PTPRA: variants seen among roughly 807,000 people sequenced by gnomAD.
The protein encoded by PTPRA is receptor-type tyrosine-protein phosphatase alpha.
PTPRA carries 25 observed loss-of-function variants against 104.8 expected under a neutral mutation model. The ratio of observed to expected loss-of-function variants is 0.24; its 90% CI spans 0.17 to 0.33. The LOEUF (loss-of-function observed/expected upper bound fraction) is 0.33, where lower values mean the gene tolerates loss of function less well. Ranked by LOEUF, PTPRA falls within the 10% of genes least tolerant of loss-of-function variation. The pLI is 1.00. For missense variants in PTPRA, 765 were observed against 1,015.3 expected, an observed-to-expected ratio of 0.75 and a Z score of 3.35; for synonymous variants, 323 against 368.9, an observed-to-expected ratio of 0.88 and a Z score of 1.43.
intron 11 of PTPRA, among the ~76,000 whole-genome samples, chr20:3,011,095 CA>C: frequency 6.6e-6 from 1 of 152,314 alleles, no homozygotes; most frequent in East Asian, 1.9e-4. Flanking sequence ...TAGAAAGAAA[CA>C]GCCTTATCCC....
intron 1 of PTPRA, among the ~76,000 whole-genome samples, chr20:2,874,261 G>A (rs1450174546): frequency 1.3e-5 from 2 of 152,096 alleles, no homozygotes; most frequent in Admixed American, 6.5e-5. Context: ...TTTAAGAAGG[G>A]AAATAAGGGC....
chr20:2,905,216 C>T (rs1234487052), intron 1 of PTPRA, among the ~76,000 whole-genome samples: 1 of 152,172 alleles, frequency 6.6e-6, no homozygotes, highest in African/African-American at 2.4e-5. Flanking sequence ...CTCCACCCCT[C>T]CATTTCATAG....
At chr20:2,972,678 T>C (rs1031039765) in intron 5 of PTPRA, among the ~76,000 whole-genome samples, 2 of 152,218 alleles carry the variant, frequency 1.3e-5, no homozygotes, top group African/African-American at 2.4e-5. Flanking sequence ...TAGTGTTTTG[T>C]TTTGCTACAT....
intron 13 of PTPRA, 53 bp from the exon 14 acceptor site, chr20:3,021,256 C>A: frequency 1.9e-6 from 3 of 1,609,292 alleles, no homozygotes; most frequent in Non-Finnish European, 2.5e-6. Flanking sequence ...CCCTTTGCAT[C>A]TGCCATGGGC....
At chr20:2,944,586 T>G (rs971349068) in intron 2 of PTPRA, among the ~76,000 whole-genome samples, 7 of 152,178 alleles carry the variant, frequency 4.6e-5, no homozygotes, top group Non-Finnish European at 1.0e-4. Flanking sequence ...CTTCTGCATT[T>G]TATTGGTTTA....
intron 5 of PTPRA, among the ~76,000 whole-genome samples, chr20:2,969,588 C>T (rs1227021271): frequency 7.1e-6 from 1 of 140,352 alleles, no homozygotes; most frequent in Non-Finnish European, 1.6e-5. Flanking sequence ...GGCGCGGCGG[C>T]TCATGCCTGT....
In PTPRA at chr20:2,909,951, A is replaced by G. The variant is rs2059585234; in HGVS notation, c.-128-13256A>G. 3.3e-5 allele frequency among the ~76,000 whole-genome samples: 4 copies of G among 122,838 alleles called. 1 individual carries two copies. Among genetic ancestry groups the G allele is most frequent in the African/African-American group, 1.1e-4 (3 of 28,398 alleles). The allele number at this position is 122,838 out of a possible 152,430, so 80.6% of individuals were successfully genotyped here. A position where few individuals can be genotyped will look rare whatever the true frequency, so the allele number is the denominator to read the frequency against. ...TTATATATAATATGTGTAATTATAT[A>G]TTATAATATATGATATATATATAAT... On this transcript the variant is annotated intron_variant, in intron 1 of 23. Transcript: ENST00000399903.
intron 7 of PTPRA, among the ~76,000 whole-genome samples, chr20:2,987,611 C>T (rs538844733): frequency 6.6e-6 from 1 of 152,300 alleles, no homozygotes; most frequent in African/African-American, 2.4e-5. Flanking sequence ...AGACTTGTGG[C>T]CAGGACTGTG....
At chr20:2,885,825 G>A (rs2090350199) in intron 1 of PTPRA, among the ~76,000 whole-genome samples, 1 of 152,182 alleles carries the variant, frequency 6.6e-6, no homozygotes, top group South Asian at 2.1e-4. Context: ...CAGCACTTTG[G>A]GAGGCCAAGG....
chr20:2,867,557 TGTCTAGCCCTCCGTTGGC>T, the PTPRA span, among the ~76,000 whole-genome samples: 1 of 149,666 alleles, frequency 6.7e-6, no homozygotes, highest in African/African-American at 2.5e-5. Context: ...CTGCTCTCCC[TGTCTAGCCCTCCGTTGGC>T]ACTCCAGTGC....
At chr20:2,866,238 A>G in the PTPRA span, 132 of 1,613,938 alleles carry the variant, frequency 8.2e-5, no homozygotes, top group African/African-American at 1.6e-3. Context: ...GCATGAAACA[A>G]CATAACAAAT....
At chr20:2,879,786 T>G (rs929893615) in intron 1 of PTPRA, among the ~76,000 whole-genome samples, 2 of 152,224 alleles carry the variant, frequency 1.3e-5, no homozygotes, top group African/African-American at 4.8e-5. Context: ...TTCAGTACAG[T>G]AACATGCTGT....
At chr20:2,865,831 G>A in the PTPRA span, 2 of 463,170 alleles carry the variant, frequency 4.3e-6, no homozygotes, top group East Asian at 8.4e-5. This position sits in a 1 kb window ranked among gnomAD's most constrained non-coding sequence, Gnocchi z 5.2. Context: ...AGGCAGTGGA[G>A]ATACTGAGGG....
chr20:2,951,460 C>A (rs995915839), intron 3 of PTPRA, among the ~76,000 whole-genome samples: 19 of 152,162 alleles, frequency 1.2e-4, no homozygotes, highest in African/African-American at 3.9e-4. Context: ...GAATAACTCA[C>A]TCATAATCTA....
chr20:3,013,111 A>G (rs1232784269), intron 11 of PTPRA, among the ~76,000 whole-genome samples: 1 of 152,088 alleles, frequency 6.6e-6, no homozygotes, highest in African/African-American at 2.4e-5. Flanking sequence ...CTCACCCCAA[A>G]AAGAACCTCA....
At chr20:2,894,112 A>G (rs910699101) in intron 1 of PTPRA, among the ~76,000 whole-genome samples, 1 of 152,210 alleles carries the variant, frequency 6.6e-6, no homozygotes, top group Admixed American at 6.5e-5. Flanking sequence ...AGAACATAAT[A>G]GTTATATAAT....
chr20:2,988,090 C>T lies in PTPRA; in HGVS notation c.586C>T (p.Arg196Cys), dbSNP rs200586700. ...CAATTCTTTCCGCTTATCCAACGGC[C>T]GCACTGAGGATGTGGGTAAGGCATT... ...HSNSFRLSNGRTEDVEPQSVP... is the reference protein window; with the variant it reads ...HSNSFRLSNGCTEDVEPQSVP... The change falls in exon 8 of 24, where the codon CGC becomes TGC. Residue 196 changes from arginine (R) to cysteine (C), a missense_variant. Coordinates refer to ENST00000399903, the MANE Select transcript of PTPRA (RefSeq NM_001385305.1). 4 of 1,587,004 alleles carry T rather than the reference C, an allele frequency of 2.5e-6. No homozygotes were observed. The highest frequency in any genetic ancestry group is 2.2e-5 in the South Asian group (2 of 90,502).
intron 3 of PTPRA, 69 bp from the exon 4 acceptor site, chr20:2,964,203 T>C: frequency 7.7e-7 from 1 of 1,294,406 alleles, no homozygotes; most frequent in Non-Finnish European, 1.1e-6. Context: ...AGAATACTCT[T>C]CTGGTGACCA....
chr20:2,865,109 T>A, the PTPRA span: 1 of 1,614,136 alleles, frequency 6.2e-7, no homozygotes, highest in South Asian at 1.1e-5. The surrounding 1 kb of genome is among the most constrained non-coding windows in gnomAD (Gnocchi z 5.2). Context: ...TCCCTCCTGG[T>A]CCCTCATCCC....
Sources: gnomAD v4.1 joint callset for allele counts (sites outside exome capture counted in the v4.1 genomes callset) on GRCh38, gnomAD v4.1.1 for gene constraint, Gnocchi (gnomAD v3.1) non-coding constraint, MANE v1.5 for transcripts, NCBI Gene and HGNC (gene_info 2026-07-23, HGNC 2026-07-21) for gene names.